Variants in ARFGEF1 observed in about 807,000 individuals in gnomAD.
ARFGEF1 encodes ARF guanine nucleotide exchange factor 1, also known as brefeldin A-inhibited guanine nucleotide-exchange protein 1.
Under a neutral mutation model 231.0 loss-of-function variants are expected in ARFGEF1, and 42 were observed. The observed-to-expected ratio is 0.18, with a 90% CI of 0.14 to 0.24. ARFGEF1 has a LOEUF of 0.24. ARFGEF1 is among the 10% of genes least tolerant of loss of function. The pLI is 1.00. For missense variants in ARFGEF1, 1,345 were observed against 2,192.0 expected (o/e 0.61, Z 7.72); for synonymous variants, 710 against 732.3 (o/e 0.97, Z 0.49).
At chr8:67,296,657 T>C in intron 4 of ARFGEF1, 47 bp from the exon 5 acceptor site, 1 of 1,469,228 alleles carries the variant, frequency 6.8e-7, no homozygotes, top group East Asian at 2.4e-5. Flanking sequence ...TCTTTTTCTT[T>C]TTTTTTTTGG....
At chr8:67,264,657 T>C (rs936903400) in intron 14 of ARFGEF1, among the ~76,000 whole-genome samples, 3 of 152,122 alleles carry the variant, frequency 2.0e-5, no homozygotes, top group African/African-American at 2.4e-5. Context: ...CATGAAACAG[T>C]TGTAGACAAG....
intron 4 of ARFGEF1, 87 bp from the exon 5 acceptor site, chr8:67,296,697 C>A: frequency 8.2e-6 from 9 of 1,091,032 alleles, no homozygotes; most frequent in Non-Finnish European, 1.0e-5. Flanking sequence ...GTCACCCAGG[C>A]TGGAGTGCAG....
chr8:67,321,103 G>A (rs539460639), intron 1 of ARFGEF1, among the ~76,000 whole-genome samples: 58 of 148,334 alleles, frequency 3.9e-4, no homozygotes, highest in Non-Finnish European at 6.8e-4. Context: ...TAAAACGACA[G>A]AGAACAGATC....
intron 5 of ARFGEF1, among the ~76,000 whole-genome samples, chr8:67,292,351 T>C (rs1806045224): frequency 1.3e-5 from 2 of 152,290 alleles, no homozygotes; most frequent in African/African-American, 2.4e-5. Flanking sequence ...ACTTTCACTA[T>C]ATAGCATTTT....
At chr8:67,229,447 A>G (rs1839483600) in intron 23 of ARFGEF1, among the ~76,000 whole-genome samples, 1 of 152,108 alleles carries the variant, frequency 6.6e-6, no homozygotes, top group Non-Finnish European at 1.5e-5. Context: ...AGTAAAAAAC[A>G]ATATAGGAAA....
At chr8:67,202,060 A>G (rs1345512174) in intron 36 of ARFGEF1, among the ~76,000 whole-genome samples, 2 of 152,208 alleles carry the variant, frequency 1.3e-5, no homozygotes, top group African/African-American at 2.4e-5. Context: ...AAGGGGAAAA[A>G]TAAGTACAGA....
chr8:67,206,915 G>A (rs1838543536), intron 34 of ARFGEF1, among the ~76,000 whole-genome samples: 1 of 152,190 alleles, frequency 6.6e-6, no homozygotes, highest in African/African-American at 2.4e-5. Flanking sequence ...TGGCACTAAT[G>A]TGTGGAAGAC....
intron 25 of ARFGEF1, among the ~76,000 whole-genome samples, 169 bp from the exon 26 acceptor site, chr8:67,227,767 A>G (rs573421885): frequency 2.6e-5 from 4 of 152,210 alleles, no homozygotes; most frequent in Middle Eastern, 3.4e-3. Context: ...AGAAAAACAG[A>G]TATTTTAAAT....
intron 22 of ARFGEF1, among the ~76,000 whole-genome samples, chr8:67,237,099 A>G (rs1839794268): frequency 6.6e-6 from 1 of 152,172 alleles, no homozygotes; most frequent in Non-Finnish European, 1.5e-5. Flanking sequence ...GGCCTTTTCA[A>G]AGTTACTGAG....
intron 38 of ARFGEF1, 104 bp downstream of exon 38, chr8:67,200,292 G>T: frequency 1.2e-6 from 1 of 836,160 alleles, no homozygotes; most frequent in Non-Finnish European, 2.1e-6. Flanking sequence ...CCTGGGCACT[G>T]CTTGATTCAT....
chr8:67,330,427 G>A (rs1808048382), intron 1 of ARFGEF1, among the ~76,000 whole-genome samples: 1 of 151,940 alleles, frequency 6.6e-6, no homozygotes, highest in South Asian at 2.1e-4. Context: ...ATTGAGGGTA[G>A]AAACAAAAAG....
At chr8:67,279,890 C>T (rs887200518) in intron 7 of ARFGEF1, among the ~76,000 whole-genome samples, 1 of 152,090 alleles carries the variant, frequency 6.6e-6, no homozygotes, top group Admixed American at 6.5e-5. Context: ...CATGTTTTCT[C>T]CTCTAATTAT....
intron 9 of ARFGEF1, among the ~76,000 whole-genome samples, chr8:67,275,557 G>C (rs554540614): frequency 6.0e-4 from 91 of 152,014 alleles, no homozygotes; most frequent in African/African-American, 2.0e-3. Flanking sequence ...AGAAACCTAG[G>C]GCTGGGATAC....
At chr8:67,292,176 G>A in intron 5 of ARFGEF1, 53 bp from the exon 6 acceptor site, 1 of 1,508,786 alleles carries the variant, frequency 6.6e-7, no homozygotes, top group East Asian at 2.3e-5. Context: ...TTAAAATTTG[G>A]AAGGATAATG....
intron 33 of ARFGEF1, among the ~76,000 whole-genome samples, chr8:67,214,908 G>GTAC (rs1426430516): frequency 1.3e-5 from 2 of 152,218 alleles, no homozygotes; most frequent in Non-Finnish European, 2.9e-5. Flanking sequence ...ACAACTGAGA[G>GTAC]TGTAGGGCTC....
chr8:67,297,881 G>A (rs1806308572), intron 4 of ARFGEF1, among the ~76,000 whole-genome samples: 1 of 150,278 alleles, frequency 6.7e-6, no homozygotes, highest in African/African-American at 2.5e-5. Flanking sequence ...ATGGCTCACT[G>A]CAGCCTCAAT....
intron 1 of ARFGEF1, among the ~76,000 whole-genome samples, chr8:67,321,448 GTTTT>G (rs370429350): frequency 1.3e-5 from 2 of 151,564 alleles, no homozygotes; most frequent in Admixed American, 6.6e-5. Context: ...GAGAACTTCT[GTTTT>G]TTTTGTTTGT....
intron 29 of ARFGEF1, among the ~76,000 whole-genome samples, chr8:67,221,899 C>T (rs1369369073): frequency 6.6e-6 from 1 of 151,164 alleles, no homozygotes; most frequent in African/African-American, 2.4e-5. Context: ...CTGCAAGCTC[C>T]ACCTCCCAGG....
At chr8:67,336,605 T>C (rs943658278) in intron 1 of ARFGEF1, among the ~76,000 whole-genome samples, 3 of 152,222 alleles carry the variant, frequency 2.0e-5, no homozygotes, top group Non-Finnish European at 4.4e-5. Flanking sequence ...CAGCAGTAAC[T>C]GATCTCGTCT....
Sources: gnomAD v4.1 joint callset for allele counts (sites outside exome capture counted in the v4.1 genomes callset) on GRCh38, gnomAD v4.1.1 for gene constraint, MANE v1.5 for transcripts, NCBI Gene and HGNC (gene_info 2026-07-23, HGNC 2026-07-21) for gene names.